Variants in AAGAB observed in about 807,000 individuals in gnomAD.
AAGAB encodes the protein alpha- and gamma-adaptin-binding protein p34.
A neutral mutation model predicts 44.1 loss-of-function variants in AAGAB; 38 were observed. The ratio of observed to expected loss-of-function variants is 0.86; its 90% confidence interval spans 0.67 to 1.13. AAGAB has a LOEUF of 1.13. Ranked by LOEUF, AAGAB falls within the 50% of genes most tolerant of loss-of-function variation. AAGAB has a pLI of 0.00. For missense variants in AAGAB, 450 were observed against 373.8 expected, an observed-to-expected ratio of 1.20 and a Z score of -1.68; for synonymous variants, 131 against 131.8, an observed-to-expected ratio of 0.99 and a Z score of 0.04.
upstream of AAGAB, chr15:67,254,891 C>T (rs932015152): frequency 6.2e-7 from 1 of 1,613,440 alleles, no homozygotes; most frequent in African/African-American, 1.3e-5. Flanking sequence ...GTTCCCTGAC[C>T]TAGCCATGGC....
intron 1 of AAGAB, among the ~76,000 whole-genome samples, chr15:67,249,556 T>G (rs1196070292): frequency 1.3e-5 from 2 of 152,208 alleles, no homozygotes; most frequent in Non-Finnish European, 2.9e-5. Context: ...TAAATAATGC[T>G]CCATTTATTG....
At chr15:67,254,423 C>G in intron 1 of AAGAB, 136 bp downstream of exon 1, 7 of 1,442,178 alleles carry the variant, frequency 4.9e-6, no homozygotes, top group Non-Finnish European at 6.4e-6. Context: ...CCTGGGGAGA[C>G]TGGGCGCCTC....
intron 5 of AAGAB, among the ~76,000 whole-genome samples, chr15:67,212,758 G>C (rs1378767524): frequency 6.6e-6 from 1 of 152,146 alleles, no homozygotes; most frequent in Non-Finnish European, 1.5e-5. Flanking sequence ...AAACTTAGAT[G>C]ATATTTTATA....
At chr15:67,248,966 G>A in intron 1 of AAGAB, among the ~76,000 whole-genome samples, 1 of 152,148 alleles carries the variant, frequency 6.6e-6, no homozygotes, top group South Asian at 2.1e-4. Context: ...AAAACTAAAA[G>A]AGAAAAAACA....
At chr15:67,235,834 A>G in intron 4 of AAGAB, 145 bp downstream of exon 4, 1 of 618,634 alleles carries the variant, frequency 1.6e-6, no homozygotes, top group Non-Finnish European at 2.8e-6. Context: ...GTAAGATTAT[A>G]AGATTACATC....
At chr15:67,238,532 G>A (rs1042788835) in intron 1 of AAGAB, among the ~76,000 whole-genome samples, 4 of 152,168 alleles carry the variant, frequency 2.6e-5, no homozygotes, top group African/African-American at 4.8e-5. Context: ...ATAGTAACAC[G>A]TGGCTGTGTT....
intron 5 of AAGAB, among the ~76,000 whole-genome samples, chr15:67,228,927 C>T (rs539120052): frequency 1.3e-5 from 2 of 152,184 alleles, no homozygotes; most frequent in South Asian, 4.2e-4. Flanking sequence ...GAGCTAAACA[C>T]TGAATACACA....
rs180974059 is a variant in AAGAB at position 67,202,291 on chromosome 15, A to C, written c.*530T>G. ...CCCAGAGGCATTTTCTTAGGTAGAG[A>C]CTTAGCTGCGGGCTGAGACTTCGGC... is the stretch of plus-strand genomic sequence containing the variant. On this transcript the variant is annotated 3_prime_UTR_variant, in exon 10 of 10. Transcript: ENST00000261880. 1 of 153,332 alleles carries C rather than the reference A, an allele frequency of 6.5e-6. No homozygotes were observed. The highest frequency in any genetic ancestry group is 1.5e-5 in the Non-Finnish European group (1 of 68,738). The allele number at this position is 153,332 out of a possible 1,614,324, so 9.5% of individuals were successfully genotyped here. A position where few individuals can be genotyped will look rare whatever the true frequency, so the allele number is the denominator to read the frequency against.
intron 7 of AAGAB, among the ~76,000 whole-genome samples, chr15:67,205,205 G>C (rs1004195957): frequency 4.6e-5 from 7 of 152,278 alleles, no homozygotes; most frequent in East Asian, 3.9e-4. Flanking sequence ...TTACATTATA[G>C]GTCCTATCTC....
intron 7 of AAGAB, among the ~76,000 whole-genome samples, chr15:67,205,709 T>G (rs1295591662): frequency 6.6e-6 from 1 of 152,208 alleles, no homozygotes; most frequent in African/African-American, 2.4e-5. Context: ...AGGTCATTGC[T>G]GGCCTTTGCA....
chr15:67,211,440 A>G (rs998080081), intron 5 of AAGAB, among the ~76,000 whole-genome samples: 1 of 152,186 alleles, frequency 6.6e-6, no homozygotes, highest in African/African-American at 2.4e-5. Flanking sequence ...AAGCAGATCC[A>G]TGCAGTGTCC....
At chr15:67,228,569 C>T (rs1400924908) in intron 5 of AAGAB, among the ~76,000 whole-genome samples, 1 of 152,180 alleles carries the variant, frequency 6.6e-6, no homozygotes, top group Non-Finnish European at 1.5e-5. Flanking sequence ...AGTTTGGAGA[C>T]TTCTCAAAGA....
chr15:67,220,756 C>T (rs972247333), intron 5 of AAGAB, among the ~76,000 whole-genome samples: 1 of 152,116 alleles, frequency 6.6e-6, no homozygotes, highest in Admixed American at 6.5e-5. Context: ...AACATGATTG[C>T]TTTTCAAAAT....
chr15:67,236,541 A>T, intron 2 of AAGAB, 37 bp from the exon 3 acceptor site: 3 of 1,608,512 alleles, frequency 1.9e-6, no homozygotes, highest in Non-Finnish European at 2.6e-6. Context: ...ACAAAAACAG[A>T]AAAGAGATAG....
intron 8 of AAGAB, 35 bp from the exon 9 acceptor site, chr15:67,203,632 A>G (rs964171892): frequency 4.4e-6 from 7 of 1,580,070 alleles, no homozygotes; most frequent in Non-Finnish European, 6.1e-6. Context: ...AATTTGTCTA[A>G]TAGCACAGGA....
Position 67,208,640 on chromosome 15 carries a change from C to G in AAGAB, c.637G>C (p.Ala213Pro), listed in dbSNP as rs564806767. 676 of 1,614,080 alleles carry G rather than the reference C, an allele frequency of 4.2e-4. No homozygotes were observed. The highest frequency in any genetic ancestry group is 5.4e-4 in the Non-Finnish European group (642 of 1,179,984). Residue 213 changes from alanine (A) to proline (P), a missense_variant, in exon 7 of 10, where the codon GCA becomes CCA. By Grantham distance (27) the Ala-to-Pro change is conservative. Transcript: ENST00000261880. ...TCAGAGAGGGATTCAGTACTATCTG[C>G]TGCTGGCAAATGGGGTTGCTGTTGA... ...CHPEQPHLPA[A>P]DSTESLSDHR...
At position 67,236,685 on chromosome 15, in the gene AAGAB, G is replaced by A; in HGVS notation, c.209C>T (p.Thr70Ile). 1.2e-6 allele frequency: 2 copies of A among 1,614,092 alleles called. No individual in the cohort carries two copies. The highest frequency in any genetic ancestry group is 1.7e-6 in the Non-Finnish European group (2 of 1,179,976). Residue 70 changes from threonine to isoleucine, a missense_variant, in exon 2 of 10, where the codon ACT (threonine) becomes ATT (isoleucine). Thr to Ile is a moderately conservative substitution (Grantham distance 89). Coordinates refer to ENST00000261880, the MANE Select transcript of AAGAB (RefSeq NM_024666.5). Reference sequence around the variant, plus strand: ...TTGGACAGATTCTGCAATCTCTGCAGTAACAAGAAATTTGTTTGGCACCAC... The same window carrying A: ...TTGGACAGATTCTGCAATCTCTGCAATAACAAGAAATTTGTTTGGCACCAC... ...LCVVPNKFLV[T>I]AEIAESVQAF...
chr15:67,254,183 C>G (rs1964996855), intron 1 of AAGAB: 1 of 207,292 alleles, frequency 4.8e-6, no homozygotes, highest in African/African-American at 2.3e-5. Context: ...TCTCCCGGAG[C>G]AGCAAGGATA....
chr15:67,245,105 C>T (rs1328042481), intron 1 of AAGAB, among the ~76,000 whole-genome samples: 1 of 152,158 alleles, frequency 6.6e-6, no homozygotes, highest in Non-Finnish European at 1.5e-5. Flanking sequence ...TTGGCAGTTT[C>T]TTAAAATACC....
Sources: gnomAD v4.1 joint callset for allele counts (sites outside exome capture counted in the v4.1 genomes callset) on GRCh38, gnomAD v4.1.1 for gene constraint, MANE v1.5 for transcripts, NCBI Gene and HGNC (gene_info 2026-07-23, HGNC 2026-07-21) for gene names.